The following DCDC1 variants were observed in gnomAD, a reference collection of about 807,000 sequenced individuals.
The protein encoded by DCDC1 is doublecortin domain containing 1.
In DCDC1, 200 loss-of-function variants were observed where a neutral mutation model predicts 178.3. The ratio of observed to expected loss-of-function variants is 1.12; its 90% confidence interval spans 1.00 to 1.26. The LOEUF is 1.26. DCDC1 is among the 50% of genes most tolerant of loss of function. The pLI is 0.00. For synonymous variants in DCDC1, 690 were observed against 604.8 expected (o/e 1.14, Z -2.07); for missense variants, 1,983 against 1,749.2 (o/e 1.13, Z -2.38).
intron 9 of DCDC1, among the ~76,000 whole-genome samples, chr11:31,215,968 C>T (rs1973502473): frequency 6.6e-6 from 1 of 151,320 alleles, no homozygotes; most frequent in Non-Finnish European, 1.5e-5. Flanking sequence ...CATACCTCTG[C>T]CATGCAGAGC....
intron 1 of DCDC1, among the ~76,000 whole-genome samples, chr11:31,358,214 A>G (rs1299937384): frequency 1.3e-5 from 2 of 152,116 alleles, no homozygotes; most frequent in Non-Finnish European, 2.9e-5. Context: ...TAACCAAAAC[A>G]GCATGGTACT....
chr11:30,870,361 G>A (rs890512371), intron 38 of DCDC1, among the ~76,000 whole-genome samples: 3 of 152,136 alleles, frequency 2.0e-5, no homozygotes, highest in Admixed American at 2.0e-4. Flanking sequence ...GGGTGTCCTA[G>A]AGAATAACGA....
At chr11:31,354,853 C>T (rs998201312) in intron 1 of DCDC1, among the ~76,000 whole-genome samples, 1 of 152,170 alleles carries the variant, frequency 6.6e-6, no homozygotes, top group Admixed American at 6.5e-5. Context: ...GCTTACTTTA[C>T]ATTTTGATTC....
At chr11:30,951,020 A>ATT (rs1948386841) in intron 21 of DCDC1, among the ~76,000 whole-genome samples, 3 of 152,080 alleles carry the variant, frequency 2.0e-5, no homozygotes, top group African/African-American at 7.2e-5. Flanking sequence ...ATTATAAATA[A>ATT]ATTTTTAAAG....
intron 20 of DCDC1, among the ~76,000 whole-genome samples, chr11:30,954,664 A>G (rs746676795): frequency 3.0e-4 from 45 of 152,214 alleles, no homozygotes; most frequent in Non-Finnish European, 5.3e-4. Flanking sequence ...GGTCCTAGAA[A>G]TGAAACGATG....
chr11:31,149,188 C>T (rs1964849571), intron 9 of DCDC1, among the ~76,000 whole-genome samples: 1 of 152,194 alleles, frequency 6.6e-6, no homozygotes, highest in Non-Finnish European at 1.5e-5. Context: ...TGCATATGTG[C>T]ATGTGTCTTT....
At chr11:31,134,321 T>A (rs559863068) in intron 10 of DCDC1, among the ~76,000 whole-genome samples, 1 of 152,308 alleles carries the variant, frequency 6.6e-6, no homozygotes, top group African/African-American at 2.4e-5. Context: ...ATGGGTACCA[T>A]CTACTGTGCT....
At chr11:31,369,569 CG>C (rs1002285965) in intron 1 of DCDC1, 127 bp downstream of exon 1, 1 of 152,548 alleles carries the variant, frequency 6.6e-6, no homozygotes, top group African/African-American at 2.4e-5. Context: ...TTGAAAAAGG[CG>C]GGGAAAGCCT....
chr11:31,364,241 T>C (rs1478758850), intron 1 of DCDC1, among the ~76,000 whole-genome samples: 1 of 152,172 alleles, frequency 6.6e-6, no homozygotes, highest in African/African-American at 2.4e-5. Context: ...TCCCATCACA[T>C]GTCAAGGAGC....
intron 9 of DCDC1, among the ~76,000 whole-genome samples, chr11:31,158,713 A>G (rs1362746468): frequency 6.6e-6 from 1 of 152,162 alleles, no homozygotes; most frequent in African/African-American, 2.4e-5. Context: ...GTCTTTTTTC[A>G]TATTCAAATA....
intron 3 of DCDC1, among the ~76,000 whole-genome samples, chr11:31,311,425 G>C (rs1948768340): frequency 6.6e-6 from 1 of 152,170 alleles, no homozygotes. Context: ...ACTATATATT[G>C]ATTGATTTTT....
chr11:31,274,020 C>T (rs961698211), intron 7 of DCDC1, among the ~76,000 whole-genome samples: 1 of 152,160 alleles, frequency 6.6e-6, no homozygotes, highest in Non-Finnish European at 1.5e-5. Flanking sequence ...ACCTGGGTGC[C>T]TCCCACAACA....
In DCDC1 at chr11:30,944,994, A is replaced by AGTCTCAT. The variant is rs1245962265; in HGVS notation, c.2715+7444_2715+7450dup. On this transcript the variant is annotated intron_variant, in intron 21 of 38. Coordinates refer to ENST00000684477, the MANE Select transcript of DCDC1 (RefSeq NM_001387274.1). ...TTTTTTTTTTTTTTTTTTGAGACGG[A>AGTCTCAT]GTCTCATTCTGTCTCCCAGGTTGGA... Among the ~76,000 whole-genome samples the AGTCTCAT allele has an allele frequency of 9.4e-5, 9 of 95,342 alleles. No homozygotes were observed. The South Asian group carries it at 3.4e-3, about 37-fold the overall frequency. 62.5% of individuals were successfully genotyped at this position (95,342 alleles called of 152,430 possible).
intron 36 of DCDC1, chr11:30,883,508 A>G: frequency 2.2e-6 from 1 of 458,964 alleles, no homozygotes; most frequent in South Asian, 1.6e-5. Flanking sequence ...CTTCAGATAA[A>G]GTAAGCTGAC....
intron 6 of DCDC1, among the ~76,000 whole-genome samples, chr11:31,295,381 C>T (rs184066952): frequency 3.6e-4 from 55 of 152,198 alleles, no homozygotes; most frequent in African/African-American, 1.2e-3. Context: ...TGGTGCCCCC[C>T]CAAGGTGCCT....
chr11:30,888,146 G>GAAAGAAAGAAAGAAAGAA lies in DCDC1; in HGVS notation c.5082+4671_5082+4672insTTCTTTCTTTCTTTCTTT, dbSNP rs1565030383. ...AGAAAGAAAGAAAGAAAGAAAGAAA[G>GAAAGAAAGAAAGAAAGAA]AAAGAAAGAAAGAAAGGGAAAGAAA... is the stretch of plus-strand genomic sequence containing the variant. On this transcript the variant is annotated intron_variant, in intron 36 of 38. Coordinates refer to ENST00000684477, the MANE Select transcript of DCDC1 (RefSeq NM_001387274.1). 6.5e-5 allele frequency among the ~76,000 whole-genome samples: 9 copies of GAAAGAAAGAAAGAAAGAA among 138,236 alleles called. No individual in the cohort carries two copies. The East Asian group carries it at 1.4e-3, about 22-fold the overall frequency. 90.7% of individuals were successfully genotyped at this position (138,236 alleles called of 152,430 possible).
At chr11:31,019,319 T>A (rs1952704550) in intron 20 of DCDC1, among the ~76,000 whole-genome samples, 1 of 152,168 alleles carries the variant, frequency 6.6e-6, no homozygotes. Context: ...AGCGCCAAAA[T>A]GAGGCAGGGC....
At chr11:30,913,037 A>C (rs534830307) in intron 27 of DCDC1, among the ~76,000 whole-genome samples, 8 of 152,276 alleles carry the variant, frequency 5.3e-5, no homozygotes, top group African/African-American at 1.7e-4. Context: ...TGTGCAATAA[A>C]CCTCAGAATT....
intron 9 of DCDC1, among the ~76,000 whole-genome samples, chr11:31,227,203 T>A (rs1288499120): frequency 6.6e-6 from 1 of 151,836 alleles, no homozygotes; most frequent in Non-Finnish European, 1.5e-5. Flanking sequence ...AGAAAAGAGG[T>A]TTTATTGGCT....
Sources: gnomAD v4.1 joint callset for allele counts (sites outside exome capture counted in the v4.1 genomes callset) on GRCh38, gnomAD v4.1.1 for gene constraint, MANE v1.5 for transcripts, NCBI Gene and HGNC (gene_info 2026-07-23, HGNC 2026-07-21) for gene names.